The following MNAT1 variants were observed in gnomAD, a reference collection of about 807,000 sequenced individuals.
The protein encoded by MNAT1 is CDK-activating kinase assembly factor MAT1.
Under a neutral mutation model 42.0 loss-of-function variants are expected in MNAT1, and 43 were observed. That is an observed-to-expected ratio of 1.02 (90% CI 0.80 to 1.32). MNAT1 has a LOEUF of 1.32. Among genes scored for constraint, MNAT1 ranks in the 40% most tolerant of loss-of-function variants. The probability of loss-of-function intolerance (pLI) is 0.00; values close to 1 mark genes in which losing one functional copy is unlikely to be tolerated. For synonymous variants in MNAT1, 118 were observed against 120.0 expected (o/e 0.98, Z 0.11); for missense variants, 306 against 350.4 (o/e 0.87, Z 1.01).
At chr14:60,881,763 C>T (rs557661977) in intron 7 of MNAT1, among the ~76,000 whole-genome samples, 3 of 152,174 alleles carry the variant, frequency 2.0e-5, no homozygotes, top group South Asian at 4.2e-4. Flanking sequence ...ATTACCTCAA[C>T]ATTTATTCTT....
intron 7 of MNAT1, among the ~76,000 whole-genome samples, chr14:60,939,548 G>A (rs1433271946): frequency 2.0e-5 from 3 of 152,166 alleles, no homozygotes; most frequent in Non-Finnish European, 4.4e-5. Context: ...GGTTTTCAGT[G>A]AGTTTCTTAA....
chr14:60,851,319 T>C (rs895998668), intron 6 of MNAT1, among the ~76,000 whole-genome samples: 1 of 152,208 alleles, frequency 6.6e-6, no homozygotes, highest in African/African-American at 2.4e-5. Flanking sequence ...AATGCATTTT[T>C]CTCGGCAAGG....
chr14:60,896,454 T>C (rs2034958656), intron 7 of MNAT1, among the ~76,000 whole-genome samples: 1 of 152,206 alleles, frequency 6.6e-6, no homozygotes, highest in South Asian at 2.1e-4. Context: ...ACAACTAGAT[T>C]CATCCATTTC....
intron 1 of MNAT1, chr14:60,753,755 G>A (rs2030206241): frequency 6.6e-6 from 1 of 152,180 alleles, no homozygotes; most frequent in Non-Finnish European, 1.5e-5. Context: ...AACCACATAT[G>A]TATATTTATC....
At chr14:60,839,373 C>G (rs189111350) in intron 6 of MNAT1, among the ~76,000 whole-genome samples, 1 of 152,188 alleles carries the variant, frequency 6.6e-6, no homozygotes, top group East Asian at 1.9e-4. Flanking sequence ...GTCTAGATGA[C>G]CTGCAGAGAG....
chr14:60,867,126 C>T (rs1019015357), intron 6 of MNAT1, among the ~76,000 whole-genome samples: 3 of 151,978 alleles, frequency 2.0e-5, no homozygotes, highest in East Asian at 3.9e-4. Flanking sequence ...GTATTTAGAG[C>T]CATTTTATTT....
intron 6 of MNAT1, among the ~76,000 whole-genome samples, chr14:60,864,620 CT>C (rs1227404780): frequency 6.6e-6 from 1 of 151,980 alleles, no homozygotes; most frequent in Non-Finnish European, 1.5e-5. Flanking sequence ...TGCAATTGCA[CT>C]GTTAGTAATC....
At chr14:60,736,753 G>A (rs57127110) in intron 1 of MNAT1, among the ~76,000 whole-genome samples, 1 of 152,096 alleles carries the variant, frequency 6.6e-6, no homozygotes, top group Non-Finnish European at 1.5e-5. Flanking sequence ...CTTCTTGTTG[G>A]TACAATAGAG....
intron 7 of MNAT1, among the ~76,000 whole-genome samples, chr14:60,921,326 G>A (rs1219972578): frequency 1.3e-5 from 2 of 152,048 alleles, no homozygotes; most frequent in South Asian, 2.1e-4. Context: ...AATTCATTGG[G>A]TATTCCCCAT....
chr14:60,956,649 G>A (rs1255404078), intron 7 of MNAT1, among the ~76,000 whole-genome samples: 1 of 152,086 alleles, frequency 6.6e-6, no homozygotes, highest in Non-Finnish European at 1.5e-5. Flanking sequence ...CTTTAGATCT[G>A]TTAATATTTG....
chr14:60,776,368 A>C (rs1261410504), intron 1 of MNAT1, among the ~76,000 whole-genome samples: 1 of 152,144 alleles, frequency 6.6e-6, no homozygotes, highest in Non-Finnish European at 1.5e-5. Context: ...TGATAATGAC[A>C]AGATTGCAGG....
intron 7 of MNAT1, among the ~76,000 whole-genome samples, chr14:60,911,241 G>C (rs1379438458): frequency 6.6e-6 from 1 of 152,094 alleles, no homozygotes; most frequent in African/African-American, 2.4e-5. Context: ...CTTGCTAGCA[G>C]TCTATCAATT....
chr14:60,824,760 C>T (rs1034988687), intron 6 of MNAT1, among the ~76,000 whole-genome samples: 2 of 152,010 alleles, frequency 1.3e-5, no homozygotes, highest in African/African-American at 4.8e-5. Flanking sequence ...TGTATGCTAG[C>T]CATGTGGTAA....
At chr14:60,907,277 AC>A (rs1276072417) in intron 7 of MNAT1, among the ~76,000 whole-genome samples, 1 of 151,976 alleles carries the variant, frequency 6.6e-6, no homozygotes, top group Non-Finnish European at 1.5e-5. Flanking sequence ...TACTAAAAAT[AC>A]AAAAATTAGC....
chr14:60,821,781 G>A (rs1020085677), intron 6 of MNAT1, among the ~76,000 whole-genome samples: 2 of 152,192 alleles, frequency 1.3e-5, no homozygotes, highest in African/African-American at 2.4e-5. Flanking sequence ...GACACAATGT[G>A]TTCTGTGGCA....
chr14:60,852,021 T>C (rs1331148076), intron 6 of MNAT1, among the ~76,000 whole-genome samples: 1 of 152,182 alleles, frequency 6.6e-6, no homozygotes, highest in Non-Finnish European at 1.5e-5. Flanking sequence ...TACGTGTGCA[T>C]GTGTCTTTAT....
intron 1 of MNAT1, among the ~76,000 whole-genome samples, chr14:60,764,162 T>G (rs2057319): frequency 0.95 from 144,090 of 152,092 alleles, 68,522 homozygotes; most frequent in Non-Finnish European, 0.99. Flanking sequence ...TTATGTAATA[T>G]TTGTTAGTGG....
intron 1 of MNAT1, among the ~76,000 whole-genome samples, chr14:60,746,956 ACACACACAC>A (rs1896649373): frequency 1.5e-5 from 1 of 68,804 alleles, no homozygotes; most frequent in East Asian, 4.1e-4. Context: ...ACACACACAC[ACACACACAC>A]ACACACACAC....
intron 7 of MNAT1, among the ~76,000 whole-genome samples, chr14:60,917,874 C>A: frequency 6.6e-6 from 1 of 152,136 alleles, no homozygotes; most frequent in Middle Eastern, 3.4e-3. Flanking sequence ...GTAATCTACC[C>A]GCTTTGGCCT....
Sources: gnomAD v4.1 joint callset for allele counts (sites outside exome capture counted in the v4.1 genomes callset) on GRCh38, gnomAD v4.1.1 for gene constraint, MANE v1.5 for transcripts, NCBI Gene and HGNC (gene_info 2026-07-23, HGNC 2026-07-21) for gene names.